Variants in TAFA5 observed in about 807,000 individuals in gnomAD.
TAFA5 encodes TAFA chemokine like family member 5.
In TAFA5, 6 loss-of-function variants were observed where a neutral mutation model predicts 15.3. The observed-to-expected ratio is 0.39, with a 90% CI of 0.21 to 0.77. TAFA5 has a LOEUF of 0.77. Among genes scored for constraint, TAFA5 ranks in the 30% least tolerant of loss-of-function variants. The pLI, the probability that TAFA5 is intolerant of heterozygous loss-of-function variation, is 0.41. For synonymous variants in TAFA5, 103 were observed against 80.7 expected (o/e 1.28, Z -1.48); for missense variants, 161 against 193.1 (o/e 0.83, Z 0.98).
intron 1 of TAFA5, among the ~76,000 whole-genome samples, chr22:48,542,458 T>G: frequency 9.5e-6 from 1 of 105,308 alleles, no homozygotes; most frequent in African/African-American, 3.7e-5. Context: ...TATGTGCGGG[T>G]GTGTGTTGTG....
At chr22:48,700,712 G>C (rs1232512586) in intron 2 of TAFA5, among the ~76,000 whole-genome samples, 2 of 152,166 alleles carry the variant, frequency 1.3e-5, no homozygotes, top group African/African-American at 4.8e-5. Context: ...CTGCAGGCCG[G>C]ATGAGAGCTT....
chr22:48,710,918 C>T (rs1461231411), intron 3 of TAFA5, among the ~76,000 whole-genome samples: 2 of 152,104 alleles, frequency 1.3e-5, no homozygotes, highest in East Asian at 3.9e-4. Flanking sequence ...GCCAGGTGTA[C>T]AGAAGTCCAG....
intron 1 of TAFA5, among the ~76,000 whole-genome samples, chr22:48,609,542 C>A (rs1751865384): frequency 6.6e-6 from 1 of 152,226 alleles, no homozygotes; most frequent in Admixed American, 6.5e-5. Context: ...GTCCACGCCT[C>A]TGTCCACTTC....
At position 48,706,680 on chromosome 22, in the gene TAFA5, C is replaced by A. The variant is rs561096020; in HGVS notation, c.263-1037C>A. On this transcript the variant is annotated intron_variant, in intron 2 of 3. Coordinates refer to ENST00000402357, the MANE Select transcript of TAFA5 (RefSeq NM_001082967.3). The stretch of plus-strand genomic sequence containing the variant: ...ATACTGCCGGGCAGGTGTTTGGTAT[C>A]TGATCTGAATGCCTACGTTTTTCAA... 3.3e-4 allele frequency among the ~76,000 whole-genome samples: 51 copies of A among 152,328 alleles called. No individual in the cohort carries two copies. The South Asian group carries it at 0.011, about 32-fold the overall frequency.
At chr22:48,573,656 A>C (rs76436889) in intron 1 of TAFA5, among the ~76,000 whole-genome samples, 4,495 of 152,312 alleles carry the variant, frequency 0.03, 209 homozygotes, top group African/African-American at 0.1. Context: ...TGGTCCCCCA[A>C]CATTAGGTAT....
At chr22:48,623,970 A>C (rs766448991) in intron 1 of TAFA5, among the ~76,000 whole-genome samples, 1 of 152,168 alleles carries the variant, frequency 6.6e-6, no homozygotes, top group Non-Finnish European at 1.5e-5. Flanking sequence ...CTTCAGCTGA[A>C]GTTTTTATGG....
intron 2 of TAFA5, among the ~76,000 whole-genome samples, chr22:48,692,694 C>T (rs1280786433): frequency 2.0e-5 from 3 of 152,226 alleles, no homozygotes; most frequent in Admixed American, 6.5e-5. Flanking sequence ...TGGGGAACTC[C>T]GCAGAGCTCT....
At chr22:48,611,858 C>G (rs911659075) in intron 1 of TAFA5, among the ~76,000 whole-genome samples, 8 of 152,304 alleles carry the variant, frequency 5.3e-5, no homozygotes, top group African/African-American at 1.9e-4. Flanking sequence ...AGCCTTAACT[C>G]CAGATGTGCG....
intron 1 of TAFA5, among the ~76,000 whole-genome samples, chr22:48,584,652 CCACACACACAGCACAAAT>C (rs1924263471): frequency 6.8e-6 from 1 of 147,622 alleles, no homozygotes; most frequent in African/African-American, 2.5e-5. Context: ...CACACATGCA[CCACACACACAGCACAAAT>C]CACACACACA....
At chr22:48,582,744 AAT>A (rs1386689733) in intron 1 of TAFA5, among the ~76,000 whole-genome samples, 5 of 144,170 alleles carry the variant, frequency 3.5e-5, no homozygotes, top group Non-Finnish European at 6.1e-5. Flanking sequence ...CCACACACAA[AAT>A]ACAGTACACA....
In TAFA5 at chr22:48,539,814, C is replaced by T. The variant is rs574610250; in HGVS notation, c.112+50110C>T. Among the ~76,000 whole-genome samples, 10 of 152,338 alleles carry T rather than the reference C, an allele frequency of 6.6e-5. No homozygotes were observed. In the South Asian group the frequency reaches 1.9e-3, roughly 28 times the overall value. ...AGGTCACCCCCAGGACGTGATACGTCGGCTGAGAACTGGGTAACAAGGAGC... is the reference window on the plus strand; with the variant it reads ...AGGTCACCCCCAGGACGTGATACGTTGGCTGAGAACTGGGTAACAAGGAGC... On this transcript the variant is annotated intron_variant, in intron 1 of 3. Coordinates refer to ENST00000402357, the MANE Select transcript of TAFA5 (RefSeq NM_001082967.3).
chr22:48,614,116 G>C (rs1232763610), intron 1 of TAFA5, among the ~76,000 whole-genome samples: 2 of 151,906 alleles, frequency 1.3e-5, no homozygotes, highest in African/African-American at 4.9e-5. Flanking sequence ...GGTGTGCTTG[G>C]CTACATCACC....
At chr22:48,674,720 A>AG (rs368745679) in intron 2 of TAFA5, among the ~76,000 whole-genome samples, 1 of 152,104 alleles carries the variant, frequency 6.6e-6, no homozygotes, top group South Asian at 2.1e-4. Context: ...CGCCGTGGGG[A>AG]GGGGGGCCAC....
At chr22:48,546,786 A>T in intron 1 of TAFA5, 1 of 349,480 alleles carries the variant, frequency 2.9e-6, no homozygotes, top group Non-Finnish European at 5.7e-6. Flanking sequence ...CTGTTTCAGG[A>T]GGGTTGATTC....
chr22:48,747,116 G>GGCCCT (rs1023514602), intron 3 of TAFA5, among the ~76,000 whole-genome samples: 5 of 152,142 alleles, frequency 3.3e-5, no homozygotes, highest in African/African-American at 9.7e-5. Context: ...ATTCCCGCCC[G>GGCCCT]GCCCTGCCCT....
At chr22:48,729,818 G>A (rs6010497) in intron 3 of TAFA5, among the ~76,000 whole-genome samples, 1 of 149,520 alleles carries the variant, frequency 6.7e-6, no homozygotes, top group Non-Finnish European at 1.5e-5. Flanking sequence ...ATTTTAGAAA[G>A]TGTCCCAAAA....
intron 1 of TAFA5, among the ~76,000 whole-genome samples, chr22:48,546,227 G>A (rs1922662917): frequency 6.6e-6 from 1 of 152,228 alleles, no homozygotes; most frequent in Admixed American, 6.5e-5. Flanking sequence ...TCCACTCCTT[G>A]GTCAGCACTT....
At chr22:48,571,596 T>G (rs1328522365) in intron 1 of TAFA5, among the ~76,000 whole-genome samples, 7 of 142,452 alleles carry the variant, frequency 4.9e-5, no homozygotes, top group African/African-American at 7.9e-5. Context: ...TTTTTTTTTT[T>G]TTTTTTTTTT....
chr22:48,733,208 G>A (rs1305700424), intron 3 of TAFA5, among the ~76,000 whole-genome samples: 1 of 152,168 alleles, frequency 6.6e-6, no homozygotes, highest in African/African-American at 2.4e-5. Flanking sequence ...AATAGATGCT[G>A]GGAAAGTCAC....
Sources: allele counts gnomAD v4.1 joint callset (sites outside exome capture counted in the v4.1 genomes callset), GRCh38; gene constraint gnomAD v4.1.1; transcripts MANE v1.5; gene names NCBI Gene and HGNC (gene_info 2026-07-23, HGNC 2026-07-21).